The following C2CD2L variants were observed in gnomAD, a reference collection of about 807,000 sequenced individuals.
C2CD2L encodes the protein phospholipid transfer protein C2CD2L.
In C2CD2L, 24 loss-of-function variants were observed where a neutral mutation model predicts 69.9. The observed-to-expected ratio is 0.34, with a 90% CI of 0.25 to 0.48. The LOEUF is 0.48. C2CD2L is among the 20% of genes least tolerant of loss of function. The probability of loss-of-function intolerance (pLI) is 0.99; values close to 1 mark genes in which losing one functional copy is unlikely to be tolerated. For synonymous variants in C2CD2L, 367 were observed against 391.0 expected, an observed-to-expected ratio of 0.94 and a Z score of 0.72; for missense variants, 811 against 941.5, an observed-to-expected ratio of 0.86 and a Z score of 1.81.
rs1249956337 is a variant in C2CD2L at position 119,112,368 on chromosome 11, C to T, written c.1060C>T (p.Leu354=). Residue 354 remains leucine (L), a synonymous_variant, in exon 8 of 14, where the codon CTG becomes TTG. Transcript: ENST00000648610. The part of the protein sequence containing the change: ...PQSRELTLKV[L]RSSSCGDTEL... ...GAGCCGGGAGCTGACCCTCAAAGTG[C>T]TGAGGAGCAGCAGCTGTGGAGACAG... The T allele has an allele frequency of 1.4e-5, 22 of 1,613,500 alleles. No individual in the cohort carries two copies. Among genetic ancestry groups the T allele is most frequent in the Non-Finnish European group, 1.9e-5 (22 of 1,179,874 alleles).
In C2CD2L at chr11:119,107,876, C is replaced by T. The variant is rs1859018090; in HGVS notation, c.135C>T (p.Asp45=). ...TGTGGCTGGCGCGGGCCCGCGGGGA[C>T]CGGGGCCCGGGACCCGCCTTAGCCG... The part of the protein sequence containing the change: ...RGLWLARARG[D]RGPGPALAGE... The change falls in exon 1 of 14, where the codon GAC becomes GAT. Residue 45 remains aspartate, a synonymous_variant. Transcript: ENST00000648610. This position sits in a 1 kb window ranked among gnomAD's most constrained non-coding sequence, Gnocchi z 5.4. 8.6e-6 allele frequency: 13 copies of T among 1,516,454 alleles called. No individual in the cohort carries two copies. The highest frequency in any genetic ancestry group is 1.1e-5 in the Non-Finnish European group (12 of 1,140,934). The allele number at this position is 1,516,454 out of a possible 1,614,324, so 93.9% of individuals were successfully genotyped here. A position where few individuals can be genotyped will look rare whatever the true frequency, so the allele number is the denominator to read the frequency against.
At position 119,107,823 on chromosome 11, in the gene C2CD2L, G is replaced by T. The variant is rs937225914; in HGVS notation, c.82G>T (p.Ala28Ser). 3 of 1,553,142 alleles carry T rather than the reference G, an allele frequency of 1.9e-6. No homozygotes were observed. The highest frequency in any genetic ancestry group is 2.4e-5 in the South Asian group (2 of 85,002). Residue 28 changes from alanine (A) to serine (S), a missense_variant, in exon 1 of 14, where the codon GCC becomes TCC. Ala to Ser is a moderately conservative substitution (Grantham distance 99, BLOSUM62 1). Coordinates refer to ENST00000648610, the MANE Select transcript of C2CD2L (RefSeq NM_001290474.2). The surrounding 1 kb of genome is among the most constrained non-coding windows in gnomAD (Gnocchi z 5.4). ...CGCCGCCTCGCTGCTCACGGTGTTC[G>T]CCTGGCTGCTGCAATATGCCCGGGG... is the stretch of plus-strand genomic sequence containing the variant. Reference protein sequence around the residue: ...LFAASLLTVFAWLLQYARGLW... With the variant: ...LFAASLLTVFSWLLQYARGLW...
chr11:119,102,691 T>C (rs1054460723), upstream of C2CD2L, among the ~76,000 whole-genome samples: 10 of 151,764 alleles, frequency 6.6e-5, no homozygotes, highest in Non-Finnish European at 1.2e-4. Flanking sequence ...GCTGAGGCTC[T>C]GGAAAGAGCT....
chr11:119,111,107 T>C lies in C2CD2L; in HGVS notation c.737T>C (p.Ile246Thr), dbSNP rs1688088333. 1 of 1,613,914 alleles carries C rather than the reference T, an allele frequency of 6.2e-7. No homozygotes were observed. Among genetic ancestry groups the C allele is most frequent in the Non-Finnish European group, 8.5e-7 (1 of 1,180,022 alleles). Residue 246 changes from isoleucine to threonine, a missense_variant, in exon 5 of 14, where the codon ATA (isoleucine) becomes ACA (threonine). By Grantham distance (89) the Ile-to-Thr change is moderately conservative. Transcript: ENST00000648610. The part of the protein sequence containing the change: ...STIEELIKDA[I>T]VSTQPAMMVN... Reference sequence around the variant, plus strand: ...ATTGAGGAACTGATCAAGGATGCCATAGTCAGCACCCAGCCAGCCATGATG... The same window carrying C: ...ATTGAGGAACTGATCAAGGATGCCACAGTCAGCACCCAGCCAGCCATGATG...
At chr11:119,108,118 G>C (rs752371438) in intron 1 of C2CD2L, 23 bp downstream of exon 1, 1 of 1,516,504 alleles carries the variant, frequency 6.6e-7, no homozygotes, top group South Asian at 1.2e-5. Flanking sequence ...AAGCGCTTGG[G>C]TGGTCCCTTC....
rs746637835 is a variant in C2CD2L, at chr11:119,114,301, T to C, written c.1845T>C (p.Asp615=). 1 of 1,614,174 alleles carries C rather than the reference T, an allele frequency of 6.2e-7. No individual in the cohort carries two copies. Among genetic ancestry groups the C allele is most frequent in the Non-Finnish European group, 8.5e-7 (1 of 1,180,018 alleles). The change falls in exon 13 of 14, where the codon GAT becomes GAC. Residue 615 remains aspartate (D), a synonymous_variant. Coordinates refer to ENST00000648610, the MANE Select transcript of C2CD2L (RefSeq NM_001290474.2). This position sits in a 1 kb window ranked among gnomAD's most constrained non-coding sequence, Gnocchi z 5.1. ...ATATTTCTGAGAGGCCATCTGTGGA[T>C]GATATTGAGTCGGAAACGGGGTCCA... ...RSDISERPSV[D]DIESETGSTG... is the part of the protein sequence containing the mutation.
At position 119,110,325 on chromosome 11, in the gene C2CD2L, G is replaced by A; in HGVS notation, c.450+126G>A. The A allele has an allele frequency of 1.2e-6, 1 of 825,532 alleles. No individual in the cohort carries two copies. The highest frequency in any genetic ancestry group is 1.9e-6 in the Non-Finnish European group (1 of 524,170). 51.1% of individuals were successfully genotyped at this position (825,532 alleles called of 1,614,324 possible). ...CTTATGGATCTAAGGATTGGTTTCA[G>A]GAAGTCTGAGAATCCCATTGAAGTT... On this transcript the variant is annotated intron_variant, in intron 2 of 13. Transcript: ENST00000648610. This position sits in a 1 kb window ranked among gnomAD's most constrained non-coding sequence, Gnocchi z 5.7.
rs1478098199 is a variant in C2CD2L at position 119,107,760 on chromosome 11, C to A, written c.19C>A (p.Gln7Lys). Residue 7 changes from glutamine to lysine, a missense_variant, in exon 1 of 14, where the codon CAG becomes AAG. Transcript: ENST00000648610. This position sits in a 1 kb window ranked among gnomAD's most constrained non-coding sequence, Gnocchi z 5.4. MDPGWGQRDVGWAALLI... is the reference protein window; with the variant it reads MDPGWGKRDVGWAALLI... ...GCGGAGCATGGATCCGGGCTGGGGG[C>A]AGCGGGACGTGGGCTGGGCGGCCTT... is the stretch of plus-strand genomic sequence containing the variant. 5 of 1,535,046 alleles carry A rather than the reference C, an allele frequency of 3.3e-6. No individual in the cohort carries two copies. The highest frequency in any genetic ancestry group is 1.2e-5 in the South Asian group (1 of 84,068).
At position 119,111,322 on chromosome 11, in the gene C2CD2L, C is replaced by A. The variant is rs1946735135; in HGVS notation, c.858C>A (p.Asn286Lys). ...PQAQPAIPRPNRLFLRQLRAS... is the reference protein window; with the variant it reads ...PQAQPAIPRPKRLFLRQLRAS... The stretch of plus-strand genomic sequence containing the variant: ...CTCAGCCAGCCATCCCCAGACCTAA[C>A]CGGTTATTCCTACGGCAGCTTCGGG... Residue 286 changes from asparagine to lysine, a missense_variant, in exon 6 of 14, where the codon AAC becomes AAA. Transcript: ENST00000648610. The A allele has an allele frequency of 1.2e-6, 2 of 1,614,104 alleles. No individual in the cohort carries two copies. Among genetic ancestry groups the A allele is most frequent in the South Asian group, 2.2e-5 (2 of 91,092 alleles).
In C2CD2L at chr11:119,115,940, G is replaced by A; in HGVS notation, c.1910-105G>A. On this transcript the variant is annotated intron_variant, in intron 13 of 13. Coordinates refer to ENST00000648610, the MANE Select transcript of C2CD2L (RefSeq NM_001290474.2). Reference sequence around the variant, plus strand: ...AGCCTGGCTTCTGGGCCACGGGACTGATCCTGTCCACATCCTCTTTCCCTC... The same window carrying A: ...AGCCTGGCTTCTGGGCCACGGGACTAATCCTGTCCACATCCTCTTTCCCTC... 5 of 891,046 alleles carry A rather than the reference G, an allele frequency of 5.6e-6. No homozygotes were observed. In the South Asian group the frequency reaches 7.5e-5, roughly 13 times the overall value. 55.2% of individuals were successfully genotyped at this position (891,046 alleles called of 1,614,324 possible). A position where few individuals can be genotyped will look rare whatever the true frequency, so the allele number is the denominator to read the frequency against.
intron 7 of C2CD2L, 134 bp downstream of exon 7, chr11:119,111,763 C>T (rs963680619): frequency 1.5e-5 from 10 of 651,494 alleles, no homozygotes; most frequent in African/African-American, 9.1e-5. Flanking sequence ...CAGGCCCTGG[C>T]GTGGGTCTTA....
chr11:119,106,305 C>T (rs1946586336), upstream of C2CD2L, among the ~76,000 whole-genome samples: 1 of 152,240 alleles, frequency 6.6e-6, no homozygotes, highest in Non-Finnish European at 1.5e-5. Context: ...AGATACTTAA[C>T]ACCTTTCCAT....
chr11:119,115,401 A>AGAG (rs1350246506), intron 13 of C2CD2L: 1 of 152,464 alleles, frequency 6.6e-6, no homozygotes, highest in African/African-American at 2.4e-5. Context: ...TTAAAAGATG[A>AGAG]GAGGCTCACC....
At chr11:119,106,634 T>C (rs1376606219), upstream of C2CD2L, 1 of 152,204 alleles carries the variant, frequency 6.6e-6, no homozygotes, top group African/African-American at 2.4e-5. Flanking sequence ...CAGTGCTACA[T>C]TGCCAGCTCC....
chr11:119,102,495 T>G (rs1946527012), upstream of C2CD2L: 4 of 369,636 alleles, frequency 1.1e-5, no homozygotes, highest in South Asian at 4.1e-5. Flanking sequence ...ATTCTGGTAT[T>G]TTTTTCTCAG....
chr11:119,113,544 A>G (rs1592242558), intron 10 of C2CD2L, 67 bp from the exon 11 acceptor site: 1 of 1,535,716 alleles, frequency 6.5e-7, no homozygotes, highest in East Asian at 2.4e-5. Context: ...GCATCTCAAC[A>G]AAGACAGTAG....
rs982860077 is a variant in C2CD2L at position 119,114,545 on chromosome 11, G to A, written c.1909+180G>A. 3 of 619,560 alleles carry A rather than the reference G, an allele frequency of 4.8e-6. No individual in the cohort carries two copies. The highest frequency in any genetic ancestry group is 8.5e-6 in the Non-Finnish European group (3 of 354,212). 38.4% of individuals were successfully genotyped at this position (619,560 alleles called of 1,614,324 possible). A position where few individuals can be genotyped will look rare whatever the true frequency, so the allele number is the denominator to read the frequency against. ...GTGCCTTGGTTCCTGGCCTAGATCT[G>A]ACATGCTTGTGATAGGAAGGGATGC... is the stretch of plus-strand genomic sequence containing the variant. On this transcript the variant is annotated intron_variant, in intron 13 of 13. Coordinates refer to ENST00000648610, the MANE Select transcript of C2CD2L (RefSeq NM_001290474.2). This position sits in a 1 kb window ranked among gnomAD's most constrained non-coding sequence, Gnocchi z 5.1.
At chr11:119,108,290 C>A (rs1946643957) in intron 1 of C2CD2L, 195 bp downstream of exon 1, 1 of 518,724 alleles carries the variant, frequency 1.9e-6, no homozygotes, top group Admixed American at 4.0e-5. Flanking sequence ...CCCCAGACTT[C>A]CATTTCTGTG....
rs760593957 is a variant in C2CD2L at position 119,113,601 on chromosome 11, C to T, written c.1388-10C>T. On this transcript the variant is annotated splice_polypyrimidine_tract_variant and intron_variant, in intron 10 of 13. Transcript: ENST00000648610. ...AACTCCCAGCTCACTGACCCTCCCCCACCCACCAGACTCCCCCTCCCGCTC... is the reference window on the plus strand; with the variant it reads ...AACTCCCAGCTCACTGACCCTCCCCTACCCACCAGACTCCCCCTCCCGCTC... The T allele has an allele frequency of 1.1e-5, 18 of 1,609,024 alleles. 1 individual carries two copies. The highest frequency in any genetic ancestry group is 6.7e-5 in the East Asian group (3 of 44,814).
Sources: gnomAD v4.1 joint callset for allele counts (sites outside exome capture counted in the v4.1 genomes callset) on GRCh38, gnomAD v4.1.1 for gene constraint, Gnocchi (gnomAD v3.1) non-coding constraint, MANE v1.5 for transcripts, NCBI Gene and HGNC (gene_info 2026-07-23, HGNC 2026-07-21) for gene names.